Variants in PABPC4L observed in about 807,000 individuals in gnomAD.
The protein encoded by PABPC4L is polyadenylate-binding protein 4-like.
For synonymous variants in PABPC4L, 169 were observed against 164.1 expected (o/e 1.03, Z -0.23); for missense variants, 452 against 451.4 (o/e 1.00, Z -0.01).
chr4:133,996,427 C>T, the PABPC4L span, among the ~76,000 whole-genome samples: 15 of 152,124 alleles, frequency 9.9e-5, no homozygotes, highest in East Asian at 7.7e-4. Flanking sequence ...GCCTGCGAGA[C>T]GAAGGCTCCA....
chr4:133,976,695 A>G, the PABPC4L span, among the ~76,000 whole-genome samples: 2 of 152,102 alleles, frequency 1.3e-5, no homozygotes, highest in Non-Finnish European at 2.9e-5. Context: ...TTTGATTTGC[A>G]TTTCTCTAAT....
the PABPC4L span, among the ~76,000 whole-genome samples, chr4:134,058,191 G>A: frequency 2.6e-5 from 4 of 151,100 alleles, no homozygotes; most frequent in East Asian, 3.9e-4. Context: ...AAAAGTATTT[G>A]GAAAAAAGGA....
the PABPC4L span, among the ~76,000 whole-genome samples, chr4:133,974,981 C>G: frequency 4.6e-5 from 7 of 152,074 alleles, no homozygotes; most frequent in Non-Finnish European, 8.8e-5. Flanking sequence ...TATGATCTAG[C>G]AATTTCACTC....
At chr4:134,092,815 AG>A in the PABPC4L span, among the ~76,000 whole-genome samples, 2 of 152,084 alleles carry the variant, frequency 1.3e-5, no homozygotes, top group Non-Finnish European at 2.9e-5. Flanking sequence ...CAAGAGGGTC[AG>A]GGAACACTCC....
At chr4:134,110,675 T>C in the PABPC4L span, among the ~76,000 whole-genome samples, 4 of 151,348 alleles carry the variant, frequency 2.6e-5, no homozygotes, top group Non-Finnish European at 5.9e-5. Context: ...GATGCCCAAG[T>C]CCCTGATATA....
chr4:134,195,384 C>G (rs1729625921), downstream of PABPC4L, among the ~76,000 whole-genome samples: 1 of 151,642 alleles, frequency 6.6e-6, no homozygotes, highest in Non-Finnish European at 1.5e-5. Context: ...AAGAAAATTC[C>G]ACTGGAGATA....
chr4:134,016,195 C>T, the PABPC4L span, among the ~76,000 whole-genome samples: 336 of 152,278 alleles, frequency 2.2e-3, 3 homozygotes, highest in Non-Finnish European at 3.8e-3. Flanking sequence ...GAGGCTACTG[C>T]TCTGTCCCCC....
chr4:134,103,526 G>T, the PABPC4L span, among the ~76,000 whole-genome samples: 3 of 151,440 alleles, frequency 2.0e-5, no homozygotes, highest in African/African-American at 7.3e-5. Context: ...TCCTTAAAAA[G>T]ATGCCAATCA....
the PABPC4L span, among the ~76,000 whole-genome samples, chr4:133,976,224 C>G: frequency 0.5 from 76,104 of 151,902 alleles, 21,455 homozygotes; most frequent in African/African-American, 0.74. Flanking sequence ...TTCTGTTTGT[C>G]TGTTAGTTTC....
chr4:134,042,185 G>T, the PABPC4L span, among the ~76,000 whole-genome samples: 2 of 152,154 alleles, frequency 1.3e-5, no homozygotes, highest in African/African-American at 4.8e-5. Flanking sequence ...CTCAGGAATT[G>T]AAACCAGCTA....
chr4:133,955,901 T>G, the PABPC4L span, among the ~76,000 whole-genome samples: 1 of 152,206 alleles, frequency 6.6e-6, no homozygotes, highest in African/African-American at 2.4e-5. Flanking sequence ...GTTGTCTCTA[T>G]GTTTTCATTT....
the PABPC4L span, among the ~76,000 whole-genome samples, chr4:134,047,603 T>G: frequency 6.6e-6 from 1 of 152,026 alleles, no homozygotes; most frequent in Admixed American, 6.6e-5. Flanking sequence ...GCTCTGCAGA[T>G]AAATGGGAAA....
the PABPC4L span, among the ~76,000 whole-genome samples, chr4:133,964,055 A>G: frequency 6.6e-6 from 1 of 152,158 alleles, no homozygotes; most frequent in Non-Finnish European, 1.5e-5. Flanking sequence ...GAAAAGATAG[A>G]TAAAATTGGT....
At chr4:134,011,285 G>A in the PABPC4L span, among the ~76,000 whole-genome samples, 8 of 151,810 alleles carry the variant, frequency 5.3e-5, no homozygotes, top group Non-Finnish European at 7.4e-5. Context: ...TTTATTGATG[G>A]CTACCATCAG....
the PABPC4L span, among the ~76,000 whole-genome samples, chr4:134,131,693 ATC>A: frequency 7.9e-6 from 1 of 125,912 alleles, no homozygotes; most frequent in Non-Finnish European, 1.6e-5. Context: ...AGAAAAAACT[ATC>A]CTAAAATTCC....
At chr4:134,102,587 A>G in the PABPC4L span, among the ~76,000 whole-genome samples, 7 of 151,734 alleles carry the variant, frequency 4.6e-5, no homozygotes, top group South Asian at 1.0e-3. Context: ...CATCACTTAT[A>G]TAAGAGGTTT....
the PABPC4L span, among the ~76,000 whole-genome samples, chr4:134,107,109 T>C: frequency 3.3e-5 from 5 of 151,464 alleles, no homozygotes; most frequent in Admixed American, 2.0e-4. Context: ...TTGAGCTTCA[T>C]TGCAGTCTTC....
At chr4:134,157,312 G>T in the PABPC4L span, among the ~76,000 whole-genome samples, 2 of 150,338 alleles carry the variant, frequency 1.3e-5, no homozygotes, top group African/African-American at 4.9e-5. Context: ...ATAAAATGAT[G>T]AATTTTTATG....
At chr4:134,133,452 A>G in the PABPC4L span, among the ~76,000 whole-genome samples, 2 of 146,256 alleles carry the variant, frequency 1.4e-5, no homozygotes, top group Non-Finnish European at 3.0e-5. Flanking sequence ...TATAATATAT[A>G]ATAAGATATC....
Sources: gnomAD v4.1 joint callset for allele counts (sites outside exome capture counted in the v4.1 genomes callset) on GRCh38, gnomAD v4.1.1 for gene constraint, MANE v1.5 for transcripts, NCBI Gene and HGNC (gene_info 2026-07-23, HGNC 2026-07-21) for gene names.